FOXP1: variants seen among roughly 807,000 people sequenced by gnomAD.
FOXP1 encodes the protein forkhead box P1.
FOXP1 carries 15 observed loss-of-function variants against 98.2 expected under a neutral mutation model. The observed-to-expected ratio is 0.15, with a 90% CI of 0.10 to 0.24. FOXP1 has a LOEUF of 0.24. FOXP1 is among the 10% of genes least tolerant of loss of function. The pLI is 1.00. For missense variants in FOXP1, 633 were observed against 848.5 expected (o/e 0.75, Z 3.15); for synonymous variants, 371 against 314.5 (o/e 1.18, Z -1.90).
intron 5 of FOXP1, among the ~76,000 whole-genome samples, chr3:71,206,915 G>C (rs1227793243): frequency 6.6e-6 from 1 of 152,132 alleles, no homozygotes; most frequent in Admixed American, 6.5e-5. Flanking sequence ...GAAAGAAGCC[G>C]CTCTAGGAAA....
At chr3:71,420,730 A>G (rs1398052952) in intron 3 of FOXP1, among the ~76,000 whole-genome samples, 1 of 150,616 alleles carries the variant, frequency 6.6e-6, no homozygotes, top group Non-Finnish European at 1.5e-5. Flanking sequence ...TTTTTGAGAC[A>G]GGGTCTCACT....
At chr3:71,166,120 C>G (rs2061386273) in intron 6 of FOXP1, among the ~76,000 whole-genome samples, 1 of 152,226 alleles carries the variant, frequency 6.6e-6, no homozygotes, top group African/African-American at 2.4e-5. Flanking sequence ...CAGCCCAATA[C>G]TTAGCGCCTC....
intron 6 of FOXP1, among the ~76,000 whole-genome samples, chr3:71,162,306 T>C (rs2061177863): frequency 6.6e-6 from 1 of 152,222 alleles, no homozygotes; most frequent in South Asian, 2.1e-4. Flanking sequence ...AACTGAAACC[T>C]GGCCAAAATA....
chr3:71,105,284 C>CT (rs1027658437), intron 7 of FOXP1, among the ~76,000 whole-genome samples: 26 of 152,062 alleles, frequency 1.7e-4, no homozygotes, highest in East Asian at 3.9e-4. Context: ...TCCTAATTAC[C>CT]TTTTTTTTCA....
intron 7 of FOXP1, among the ~76,000 whole-genome samples, chr3:71,059,355 A>T (rs978323708): frequency 2.0e-5 from 3 of 152,182 alleles, no homozygotes; most frequent in Non-Finnish European, 4.4e-5. Flanking sequence ...TTTACAGCAG[A>T]GGTATTAGTG....
intron 14 of FOXP1, among the ~76,000 whole-genome samples, chr3:70,982,649 G>A (rs1283618978): frequency 4.0e-5 from 6 of 150,612 alleles, no homozygotes; most frequent in African/African-American, 1.5e-4. Flanking sequence ...TTTAGCCATC[G>A]AAACTATTCA....
chr3:71,462,230 C>T (rs1452108329), intron 3 of FOXP1, among the ~76,000 whole-genome samples: 1 of 152,104 alleles, frequency 6.6e-6, no homozygotes, highest in Non-Finnish European at 1.5e-5. Flanking sequence ...AATGGGAATG[C>T]TAAACTGGCC....
chr3:71,483,680 G>T (rs1288843952), intron 3 of FOXP1, among the ~76,000 whole-genome samples: 6 of 152,140 alleles, frequency 3.9e-5, no homozygotes, highest in Admixed American at 3.9e-4. Context: ...GTAAATAGTT[G>T]TAACAGACCA....
intron 5 of FOXP1, among the ~76,000 whole-genome samples, chr3:71,291,026 C>A (rs1199932884): frequency 6.6e-6 from 1 of 152,182 alleles, no homozygotes; most frequent in Non-Finnish European, 1.5e-5. Flanking sequence ...CCTGACCACC[C>A]ACCACCCTAT....
At chr3:71,198,608 T>C (rs771820410) in intron 5 of FOXP1, among the ~76,000 whole-genome samples, 3 of 152,238 alleles carry the variant, frequency 2.0e-5, no homozygotes, top group Non-Finnish European at 4.4e-5. Flanking sequence ...CAAGTTTCAG[T>C]AGTATTGTTT....
At chr3:71,205,538 CCACT>C (rs1221296764) in intron 5 of FOXP1, among the ~76,000 whole-genome samples, 1 of 152,080 alleles carries the variant, frequency 6.6e-6, no homozygotes, top group East Asian at 1.9e-4. Flanking sequence ...ACAAATGTGG[CCACT>C]CATTTAGCCA....
Position 70,955,766 on chromosome 3 carries a change from G to C in FOXP1, c.*3481C>G, listed in dbSNP as rs1290297875. The C allele has an allele frequency of 1.7e-5, 4 of 232,676 alleles. No homozygotes were observed. The highest frequency in any genetic ancestry group is 8.9e-5 in the African/African-American group (4 of 45,036). 14.4% of individuals were successfully genotyped at this position (232,676 alleles called of 1,614,324 possible). On this transcript the variant is annotated 3_prime_UTR_variant, in exon 21 of 21. Transcript: ENST00000649528. ...GAACTTGTTTAAGATAGCCAGGAAG[G>C]CAGTGGTAGGATAAACACAAGGGAT...
At chr3:70,966,266 A>AGG in intron 19 of FOXP1, 1 of 587,870 alleles carries the variant, frequency 1.7e-6, no homozygotes, top group Non-Finnish European at 3.1e-6. Flanking sequence ...ACTGGGGGCC[A>AGG]GGGGGGACCA....
At chr3:71,404,127 T>C (rs1342779573) in intron 3 of FOXP1, among the ~76,000 whole-genome samples, 17 of 125,140 alleles carry the variant, frequency 1.4e-4, no homozygotes, top group African/African-American at 3.6e-4. Context: ...TTTCTTTTTT[T>C]TTTTTTTTTT....
intron 3 of FOXP1, among the ~76,000 whole-genome samples, chr3:71,432,334 C>A (rs1324119251): frequency 6.6e-6 from 1 of 152,164 alleles, no homozygotes; most frequent in Admixed American, 6.5e-5. Context: ...CATCTCCTCC[C>A]CGGCCCTGCA....
chr3:71,064,568 G>T (rs533039104), intron 7 of FOXP1, among the ~76,000 whole-genome samples: 5 of 151,796 alleles, frequency 3.3e-5, no homozygotes, highest in South Asian at 4.2e-4. Flanking sequence ...CAAGGGGGGT[G>T]GGGGGGTATC....
intron 3 of FOXP1, among the ~76,000 whole-genome samples, chr3:71,491,678 A>T (rs1280554319): frequency 2.8e-4 from 42 of 152,242 alleles, no homozygotes. Flanking sequence ...TCAGTTAACA[A>T]ACTGTGGCAG....
chr3:71,480,998 T>G (rs566585079), intron 3 of FOXP1, among the ~76,000 whole-genome samples: 9 of 152,308 alleles, frequency 5.9e-5, no homozygotes, highest in Non-Finnish European at 1.3e-4. Context: ...ATTCTTTTTT[T>G]GAGCACAGAA....
intron 9 of FOXP1, among the ~76,000 whole-genome samples, chr3:71,050,431 TTTTG>T (rs1295052606): frequency 5.3e-5 from 8 of 152,236 alleles, no homozygotes; most frequent in African/African-American, 1.2e-4. Flanking sequence ...GGCAGCCCTT[TTTTG>T]TTTGTCTTCA....
Sources: gnomAD v4.1 joint callset for allele counts (sites outside exome capture counted in the v4.1 genomes callset) on GRCh38, gnomAD v4.1.1 for gene constraint, MANE v1.5 for transcripts, NCBI Gene and HGNC (gene_info 2026-07-23, HGNC 2026-07-21) for gene names.